The following NKAIN2 variants were observed in gnomAD, a reference collection of about 807,000 sequenced individuals.
NKAIN2 encodes the protein sodium/potassium-transporting ATPase subunit beta-1-interacting protein 2.
NKAIN2 carries 14 observed loss-of-function variants against 32.6 expected under a neutral mutation model. That is an observed-to-expected ratio of 0.43 (90% CI 0.28 to 0.67). The LOEUF is 0.67. Among genes scored for constraint, NKAIN2 ranks in the 30% least tolerant of loss-of-function variants. The pLI is 0.17. For synonymous variants in NKAIN2, 80 were observed against 87.2 expected, an observed-to-expected ratio of 0.92 and a Z score of 0.46; for missense variants, 198 against 258.3, an observed-to-expected ratio of 0.77 and a Z score of 1.60.
At chr6:124,814,326 A>G (rs1263873218) in intron 5 of NKAIN2, among the ~76,000 whole-genome samples, 1 of 152,214 alleles carries the variant, frequency 6.6e-6, no homozygotes, top group Non-Finnish European at 1.5e-5. Flanking sequence ...GAACTCAAGC[A>G]TGTAGGTAAA....
intron 4 of NKAIN2, among the ~76,000 whole-genome samples, chr6:124,669,843 C>T (rs980542656): frequency 6.6e-6 from 1 of 151,978 alleles, no homozygotes; most frequent in Admixed American, 6.6e-5. Flanking sequence ...TCCACCTCAC[C>T]ATATTCCATT....
intron 3 of NKAIN2, among the ~76,000 whole-genome samples, chr6:124,597,050 G>A (rs1782121249): frequency 6.6e-6 from 1 of 152,132 alleles, no homozygotes; most frequent in Non-Finnish European, 1.5e-5. Flanking sequence ...TGGATTGGAT[G>A]AGGTCCACTC....
At chr6:124,634,496 C>T (rs1472543628) in intron 3 of NKAIN2, among the ~76,000 whole-genome samples, 2 of 151,780 alleles carry the variant, frequency 1.3e-5, no homozygotes, top group African/African-American at 4.8e-5. Flanking sequence ...CTAGATCAAG[C>T]AATGAAGGAA....
chr6:124,446,817 A>G (rs1400214081), intron 3 of NKAIN2, among the ~76,000 whole-genome samples: 3 of 152,108 alleles, frequency 2.0e-5, no homozygotes, highest in Non-Finnish European at 4.4e-5. Flanking sequence ...CCAATTTTCC[A>G]GTGACTTTCC....
intron 1 of NKAIN2, among the ~76,000 whole-genome samples, chr6:123,818,020 C>T (rs1415457771): frequency 6.6e-6 from 1 of 152,120 alleles, no homozygotes; most frequent in Non-Finnish European, 1.5e-5. Context: ...CAGTGAATGT[C>T]ACCTTTCTTT....
chr6:124,325,568 C>A (rs1290358124), intron 2 of NKAIN2, among the ~76,000 whole-genome samples: 1 of 151,970 alleles, frequency 6.6e-6, no homozygotes, highest in Non-Finnish European at 1.5e-5. Context: ...CAATAAAAGA[C>A]AATAAGCTAC....
chr6:124,383,638 C>T (rs764314826), intron 3 of NKAIN2, among the ~76,000 whole-genome samples: 1 of 152,170 alleles, frequency 6.6e-6, no homozygotes, highest in Non-Finnish European at 1.5e-5. Context: ...TCCATTTACA[C>T]ACACACTCAG....
chr6:124,079,719 A>G (rs1368277909), intron 1 of NKAIN2, among the ~76,000 whole-genome samples: 1 of 152,108 alleles, frequency 6.6e-6, no homozygotes, highest in Non-Finnish European at 1.5e-5. Flanking sequence ...AACAGATCAC[A>G]GGCTGTGTCA....
At chr6:124,318,888 G>T (rs974135216) in intron 2 of NKAIN2, among the ~76,000 whole-genome samples, 3 of 152,046 alleles carry the variant, frequency 2.0e-5, no homozygotes, top group Admixed American at 1.3e-4. Flanking sequence ...AAACAAGTCT[G>T]GGTGTTATGC....
intron 1 of NKAIN2, among the ~76,000 whole-genome samples, chr6:123,912,838 A>T (rs1775289210): frequency 6.6e-6 from 1 of 152,220 alleles, no homozygotes; most frequent in African/African-American, 2.4e-5. Flanking sequence ...AATATAACTG[A>T]TTGAGACAGA....
chr6:124,615,502 G>C (rs1337143820), intron 3 of NKAIN2, among the ~76,000 whole-genome samples: 2 of 152,126 alleles, frequency 1.3e-5, no homozygotes, highest in East Asian at 3.9e-4. Context: ...CGGAAAATAT[G>C]ACTCATTCTT....
At chr6:124,220,720 T>A (rs1284942127) in intron 1 of NKAIN2, among the ~76,000 whole-genome samples, 1 of 151,818 alleles carries the variant, frequency 6.6e-6, no homozygotes, top group Admixed American at 6.6e-5. Flanking sequence ...ATATATATGT[T>A]TGTTTGTTAA....
At chr6:124,482,305 T>C (rs1777485582) in intron 3 of NKAIN2, among the ~76,000 whole-genome samples, 1 of 152,218 alleles carries the variant, frequency 6.6e-6, no homozygotes, top group Non-Finnish European at 1.5e-5. Context: ...GATTTTATCT[T>C]GGTTCTAAAA....
chr6:124,004,599 A>T (rs990316038), intron 1 of NKAIN2, among the ~76,000 whole-genome samples: 11 of 152,016 alleles, frequency 7.2e-5, no homozygotes, highest in African/African-American at 2.4e-4. Context: ...TTCTCAGCAA[A>T]CTATCACAAA....
intron 3 of NKAIN2, among the ~76,000 whole-genome samples, chr6:124,593,519 C>T (rs890727391): frequency 6.6e-6 from 1 of 152,016 alleles, no homozygotes; most frequent in African/African-American, 2.4e-5. Flanking sequence ...GTGTGTGGAC[C>T]TTTAGGGATG....
chr6:124,431,442 A>G (rs185059326), intron 3 of NKAIN2, among the ~76,000 whole-genome samples: 1 of 152,296 alleles, frequency 6.6e-6, no homozygotes, highest in East Asian at 1.9e-4. Context: ...CACCATTGAT[A>G]CCATTACAAA....
At chr6:124,248,289 C>G (rs1793521288) in intron 1 of NKAIN2, among the ~76,000 whole-genome samples, 1 of 151,946 alleles carries the variant, frequency 6.6e-6, no homozygotes, top group African/African-American at 2.4e-5. Context: ...AAGTTGCCTT[C>G]CACTTAAATG....
chr6:124,738,960 C>T (rs1176878472), intron 4 of NKAIN2, among the ~76,000 whole-genome samples: 1 of 151,746 alleles, frequency 6.6e-6, no homozygotes, highest in Non-Finnish European at 1.5e-5. Context: ...TACCTCCAAG[C>T]TATGCTTTTT....
chr6:124,049,138 A>G (rs555346750), intron 1 of NKAIN2, among the ~76,000 whole-genome samples: 106 of 152,156 alleles, frequency 7.0e-4, no homozygotes, highest in African/African-American at 2.0e-3. Flanking sequence ...ATTTTCTCAA[A>G]TGTGGAAATT....
Sources: allele counts gnomAD v4.1 joint callset (sites outside exome capture counted in the v4.1 genomes callset), GRCh38; gene constraint gnomAD v4.1.1; transcripts MANE v1.5; gene names NCBI Gene and HGNC (gene_info 2026-07-23, HGNC 2026-07-21).